Variants in LIPA observed in about 807,000 individuals in gnomAD.
LIPA encodes lysosomal acid lipase/cholesteryl ester hydrolase.
In LIPA, 26 loss-of-function variants were observed where a neutral mutation model predicts 40.6. That is an observed-to-expected ratio of 0.64 (90% CI 0.47 to 0.89). LIPA has a LOEUF of 0.89. LIPA is among the 40% of genes least tolerant of loss of function. The pLI, the probability that LIPA is intolerant of heterozygous loss-of-function variation, is 0.00. For missense variants in LIPA, 455 were observed against 479.6 expected (o/e 0.95, Z 0.48); for synonymous variants, 188 against 168.4 (o/e 1.12, Z -0.90).
chr10:89,287,028 A>G (rs1843344615), intron 1 of LIPA, among the ~76,000 whole-genome samples: 1 of 152,226 alleles, frequency 6.6e-6, no homozygotes, highest in African/African-American at 2.4e-5. Flanking sequence ...ATTCCTCCTA[A>G]GCTGTGTCCC....
intron 2 of LIPA, among the ~76,000 whole-genome samples, chr10:89,369,688 T>C (rs1347727112): frequency 6.6e-6 from 1 of 152,216 alleles, no homozygotes; most frequent in Non-Finnish European, 1.5e-5. Context: ...ATAGAGGTAT[T>C]TGCGCCCTCT....
intron 3 of LIPA, among the ~76,000 whole-genome samples, chr10:89,235,242 G>A (rs1428292753): frequency 6.6e-6 from 1 of 152,256 alleles, no homozygotes; most frequent in Non-Finnish European, 1.5e-5. Context: ...CAGGCACCCT[G>A]AAGCCCTGTT....
chr10:89,391,020 GGAAGCTTACA>G (rs1844244787), intron 2 of LIPA, among the ~76,000 whole-genome samples: 1 of 152,170 alleles, frequency 6.6e-6, no homozygotes, highest in Non-Finnish European at 1.5e-5. Flanking sequence ...AACTCTCTGT[GGAAGCTTACA>G]GAATTGGTGA....
At chr10:89,237,625 T>C (rs1180176530) in intron 3 of LIPA, among the ~76,000 whole-genome samples, 1 of 152,170 alleles carries the variant, frequency 6.6e-6, no homozygotes, top group Admixed American at 6.5e-5. Flanking sequence ...CCCTGAGCCT[T>C]AAAGGGAAAA....
chr10:89,322,477 G>A (rs1288108156), intron 1 of LIPA, among the ~76,000 whole-genome samples: 1 of 152,158 alleles, frequency 6.6e-6, no homozygotes, highest in Non-Finnish European at 1.5e-5. Flanking sequence ...GAAAGGGTGA[G>A]TGAGTGAGAA....
intron 1 of LIPA, among the ~76,000 whole-genome samples, chr10:89,280,767 T>C (rs10430644): frequency 0.19 from 29,481 of 152,176 alleles, 3,932 homozygotes; most frequent in East Asian, 0.67. Context: ...CTCGTTATTA[T>C]TCCAAAGTAG....
At chr10:89,394,681 C>G (rs967346453) in intron 2 of LIPA, among the ~76,000 whole-genome samples, 1 of 144,452 alleles carries the variant, frequency 6.9e-6, no homozygotes, top group South Asian at 2.2e-4. Flanking sequence ...TGATAAAATA[C>G]ATGTAAAATA....
intron 1 of LIPA, among the ~76,000 whole-genome samples, chr10:89,327,109 T>C (rs1018586439): frequency 6.6e-6 from 1 of 152,216 alleles, no homozygotes; most frequent in Non-Finnish European, 1.5e-5. Flanking sequence ...GAAAGGAATG[T>C]TTGGAGACAT....
intron 1 of LIPA, among the ~76,000 whole-genome samples, chr10:89,295,120 T>G (rs1010437580): frequency 1.4e-5 from 2 of 141,134 alleles, no homozygotes; most frequent in Non-Finnish European, 3.1e-5. Flanking sequence ...ATTAACTATA[T>G]CAATATTTTT....
At chr10:89,238,899 A>C (rs763860966) in intron 3 of LIPA, among the ~76,000 whole-genome samples, 2 of 152,144 alleles carry the variant, frequency 1.3e-5, no homozygotes, top group Admixed American at 6.6e-5. Flanking sequence ...GTTTTCAATA[A>C]CTCTGGGGGA....
At chr10:89,378,188 A>G in intron 2 of LIPA, 1 of 1,609,400 alleles carries the variant, frequency 6.2e-7, no homozygotes, top group Non-Finnish European at 8.5e-7. Context: ...ACACTTTGAA[A>G]TTCTAAAACT....
At chr10:89,317,678 C>T (rs7903426) in intron 1 of LIPA, among the ~76,000 whole-genome samples, 3,020 of 152,276 alleles carry the variant, frequency 0.02, 107 homozygotes, top group African/African-American at 0.068. Flanking sequence ...CCCAACCTAG[C>T]AAGGGAGGCT....
chr10:89,332,018 G>A (rs1167614385), intron 1 of LIPA, among the ~76,000 whole-genome samples: 2 of 151,888 alleles, frequency 1.3e-5, no homozygotes, highest in Non-Finnish European at 2.9e-5. Flanking sequence ...AGATCATGAG[G>A]TCAGGAGTTC....
intron 2 of LIPA, among the ~76,000 whole-genome samples, chr10:89,394,930 AAC>A (rs1358778440): frequency 6.6e-6 from 1 of 152,034 alleles, no homozygotes; most frequent in Non-Finnish European, 1.5e-5. Flanking sequence ...TATAAATGGA[AAC>A]ACATACTATG....
intron 2 of LIPA, chr10:89,384,011 A>G (rs1589628394): frequency 1.9e-6 from 3 of 1,614,224 alleles, no homozygotes; most frequent in Non-Finnish European, 2.5e-6. Context: ...GAAGGACAGG[A>G]AGCTGAAGGA....
At chr10:89,338,983 C>T (rs35560532) in intron 1 of LIPA, 7 of 1,614,038 alleles carry the variant, frequency 4.3e-6, no homozygotes, top group African/African-American at 1.3e-5. Context: ...CTTGGGCAGA[C>T]TCTCAGATGC....
At chr10:89,222,647 T>C in intron 7 of LIPA, 65 bp from the exon 8 acceptor site, 1 of 1,066,890 alleles carries the variant, frequency 9.4e-7, no homozygotes, top group Admixed American at 1.7e-5. Context: ...ATAATAAACA[T>C]TGTATTTTGC....
At chr10:89,332,099 T>C (rs1843658802) in intron 1 of LIPA, among the ~76,000 whole-genome samples, 1 of 152,038 alleles carries the variant, frequency 6.6e-6, no homozygotes, top group Admixed American at 6.5e-5. Flanking sequence ...GGCATGGTGG[T>C]GCACGTCTGT....
chr10:89,287,009 C>T (rs867577371), intron 1 of LIPA, among the ~76,000 whole-genome samples: 1 of 152,246 alleles, frequency 6.6e-6, no homozygotes, highest in Non-Finnish European at 1.5e-5. Context: ...GGAATGCCCA[C>T]AGCCCGGGAT....
Sources: allele counts gnomAD v4.1 joint callset (sites outside exome capture counted in the v4.1 genomes callset), GRCh38; gene constraint gnomAD v4.1.1; transcripts MANE v1.5; gene names NCBI Gene and HGNC (gene_info 2026-07-23, HGNC 2026-07-21).